Variants in CSMD3 observed in about 807,000 individuals in gnomAD.
CSMD3 encodes the protein CUB and Sushi multiple domains 3.
Under a neutral mutation model 435.2 loss-of-function variants are expected in CSMD3, and 177 were observed. That is an observed-to-expected ratio of 0.41 (90% CI 0.36 to 0.46). The LOEUF (loss-of-function observed/expected upper bound fraction) is 0.46, where lower values mean the gene tolerates loss of function less well. Among genes scored for constraint, CSMD3 ranks in the 20% least tolerant of loss-of-function variants. The pLI is 0.34. For missense variants in CSMD3, 4,265 were observed against 4,504.6 expected, an observed-to-expected ratio of 0.95 and a Z score of 1.52; for synonymous variants, 1,656 against 1,520.5, an observed-to-expected ratio of 1.09 and a Z score of -2.07.
intron 69 of CSMD3, among the ~76,000 whole-genome samples, chr8:112,229,930 T>C (rs183635597): frequency 9.4e-4 from 137 of 145,158 alleles, no homozygotes; most frequent in Middle Eastern, 3.7e-3. Flanking sequence ...ACTAGAGAAA[T>C]AGGAAGTGCA....
At chr8:112,876,090 T>C (rs1022634681) in intron 10 of CSMD3, among the ~76,000 whole-genome samples, 5 of 152,138 alleles carry the variant, frequency 3.3e-5, no homozygotes, top group African/African-American at 1.2e-4. Flanking sequence ...GACCTTCTGA[T>C]GGGTTCCTGG....
intron 1 of CSMD3, among the ~76,000 whole-genome samples, chr8:113,339,496 T>C (rs2094102750): frequency 6.6e-6 from 1 of 152,036 alleles, no homozygotes. Flanking sequence ...ATTTTGATCT[T>C]AGAACATCAT....
intron 17 of CSMD3, among the ~76,000 whole-genome samples, chr8:112,658,900 G>T (rs1367837016): frequency 6.6e-6 from 1 of 151,946 alleles, no homozygotes. Context: ...GGTTGCAGTG[G>T]GCCGAGATCG....
chr8:112,459,595 C>G (rs1048266027), intron 32 of CSMD3, among the ~76,000 whole-genome samples: 1 of 152,090 alleles, frequency 6.6e-6, no homozygotes, highest in Middle Eastern at 3.2e-3. Flanking sequence ...AATATTATCC[C>G]TGGGTTATCT....
intron 1 of CSMD3, among the ~76,000 whole-genome samples, chr8:113,349,185 T>C (rs2094173106): frequency 1.3e-5 from 2 of 152,214 alleles, no homozygotes; most frequent in Non-Finnish European, 1.5e-5. Context: ...TTTTTCATCA[T>C]TTATTTTATT....
intron 10 of CSMD3, among the ~76,000 whole-genome samples, chr8:112,904,196 A>T (rs1423918891): frequency 6.6e-6 from 1 of 151,466 alleles, no homozygotes; most frequent in Non-Finnish European, 1.5e-5. Context: ...TCAATAAAAG[A>T]CATTCAAGAT....
chr8:113,101,221 T>C (rs2090321446), intron 4 of CSMD3, among the ~76,000 whole-genome samples: 2 of 152,090 alleles, frequency 1.3e-5, no homozygotes, highest in South Asian at 4.1e-4. Flanking sequence ...TACATTTCTG[T>C]CTCATGCTAT....
intron 65 of CSMD3, among the ~76,000 whole-genome samples, chr8:112,242,057 G>A (rs1814222068): frequency 6.6e-6 from 1 of 152,088 alleles, no homozygotes; most frequent in Admixed American, 6.6e-5. Flanking sequence ...ATCATCTTGG[G>A]ATGTCATTTC....
intron 6 of CSMD3, among the ~76,000 whole-genome samples, chr8:113,010,599 G>A (rs1173466243): frequency 6.6e-6 from 1 of 151,496 alleles, no homozygotes; most frequent in Admixed American, 6.6e-5. Flanking sequence ...GATAGTAATT[G>A]AAATAAAAAT....
chr8:113,080,559 G>A (rs567874608), intron 5 of CSMD3, among the ~76,000 whole-genome samples: 39 of 152,206 alleles, frequency 2.6e-4, no homozygotes, highest in African/African-American at 8.9e-4. Flanking sequence ...TACAATAATA[G>A]AGGTGTGTGC....
chr8:112,518,629 T>A (rs1377370), intron 27 of CSMD3, among the ~76,000 whole-genome samples: 74,291 of 123,546 alleles, frequency 0.6, 19,520 homozygotes, highest in East Asian at 0.73. Context: ...TGTGTGTGTG[T>A]GAGAGAGAGA....
chr8:113,230,991 A>G (rs892490490), intron 3 of CSMD3, among the ~76,000 whole-genome samples: 1 of 151,370 alleles, frequency 6.6e-6, no homozygotes, highest in East Asian at 1.9e-4. Context: ...ATTTACATGT[A>G]TCTCCTTTGT....
rs73344377 is a variant in CSMD3, at chr8:113,171,957, C to A, written c.709+1765G>T. On this transcript the variant is annotated intron_variant, in intron 4 of 70. Transcript: ENST00000297405. ...GGAAAGAATGGGAGGGCCTACTGCC[C>A]ATTATAAAAGAGTCAGGTTTCTAAG... Among the ~76,000 whole-genome samples the A allele has an allele frequency of 7.4e-3, 1,130 of 152,192 alleles. 18 individuals are homozygous for A. Among genetic ancestry groups the A allele is most frequent in the African/African-American group, 0.026 (1,073 of 41,532 alleles).
At chr8:113,075,535 A>G (rs2089301403) in intron 5 of CSMD3, among the ~76,000 whole-genome samples, 1 of 152,008 alleles carries the variant, frequency 6.6e-6, no homozygotes, top group South Asian at 2.1e-4. Flanking sequence ...GAAGATCACT[A>G]TGAAATAGCT....
chr8:112,911,491 A>T (rs1339732055), intron 10 of CSMD3, among the ~76,000 whole-genome samples: 1 of 151,714 alleles, frequency 6.6e-6, no homozygotes, highest in Non-Finnish European at 1.5e-5. Flanking sequence ...TTCCACATGT[A>T]AGTGAGATCA....
rs1344139306 is a variant in CSMD3, at chr8:112,645,096, T to C, written c.3310+13A>G. ...AGAAGATAGTCCAATTATTATTTCA[T>C]GAGGCAAATTACCTTTTCCATGGGT... is the stretch of plus-strand genomic sequence containing the variant. On this transcript the variant is annotated intron_variant, in intron 20 of 70. Transcript: ENST00000297405. 1 of 1,207,950 alleles carries C rather than the reference T, an allele frequency of 8.3e-7. No individual in the cohort carries two copies. Among genetic ancestry groups the C allele is most frequent in the African/African-American group, 1.5e-5 (1 of 66,948 alleles). 74.8% of individuals were successfully genotyped at this position (1,207,950 alleles called of 1,614,324 possible).
At chr8:112,855,583 G>A (rs1372911311) in intron 11 of CSMD3, among the ~76,000 whole-genome samples, 2 of 151,774 alleles carry the variant, frequency 1.3e-5, no homozygotes, top group Non-Finnish European at 2.9e-5. Flanking sequence ...ACAAATAGAG[G>A]GATGAAAAAA....
At chr8:113,286,726 T>G (rs2093649467) in intron 2 of CSMD3, among the ~76,000 whole-genome samples, 1 of 152,094 alleles carries the variant, frequency 6.6e-6, no homozygotes, top group Admixed American at 6.6e-5. Flanking sequence ...AGACTCTATT[T>G]ATTTAAATGT....
intron 11 of CSMD3, among the ~76,000 whole-genome samples, chr8:112,841,970 T>G (rs187945675): frequency 7.9e-5 from 12 of 151,956 alleles, no homozygotes; most frequent in African/African-American, 2.6e-4. Context: ...TGATTCTTGC[T>G]GTGTGAGGGC....
Sources: allele counts gnomAD v4.1 joint callset (sites outside exome capture counted in the v4.1 genomes callset), GRCh38; gene constraint gnomAD v4.1.1; transcripts MANE v1.5; gene names NCBI Gene and HGNC (gene_info 2026-07-23, HGNC 2026-07-21).